Variants in GRAP2 observed in about 807,000 individuals in gnomAD.
GRAP2 encodes the protein GRB2-related adapter protein 2.
A neutral mutation model predicts 43.5 loss-of-function variants in GRAP2; 31 were observed. The observed-to-expected ratio is 0.71, with a 90% CI of 0.54 to 0.96. The LOEUF is 0.96. Ranked by LOEUF, GRAP2 falls within the 40% of genes least tolerant of loss-of-function variation. GRAP2 has a pLI of 0.00. For missense variants in GRAP2, 371 were observed against 424.4 expected (o/e 0.87, Z 1.11); for synonymous variants, 156 against 164.8 (o/e 0.95, Z 0.41).
At chr22:39,944,029 A>T (rs2066896563) in intron 1 of GRAP2, among the ~76,000 whole-genome samples, 1 of 152,150 alleles carries the variant, frequency 6.6e-6, no homozygotes, top group Non-Finnish European at 1.5e-5. Context: ...TTCAGAAGTC[A>T]GAAGCGCTGA....
At chr22:39,920,710 A>T (rs539663158) in intron 1 of GRAP2, among the ~76,000 whole-genome samples, 1 of 152,040 alleles carries the variant, frequency 6.6e-6, no homozygotes, top group Non-Finnish European at 1.5e-5. Context: ...TGACTCTCCA[A>T]CCCCCAGAGT....
At chr22:39,916,324 G>A (rs927261200) in intron 1 of GRAP2, among the ~76,000 whole-genome samples, 5 of 152,178 alleles carry the variant, frequency 3.3e-5, no homozygotes, top group East Asian at 1.9e-4. Context: ...AGAATTCCAC[G>A]GACCCAAAAC....
intron 2 of GRAP2, among the ~76,000 whole-genome samples, chr22:39,950,856 C>A (rs565770791): frequency 1.3e-5 from 2 of 152,238 alleles, no homozygotes; most frequent in African/African-American, 2.4e-5. Context: ...GTCTGCCCCC[C>A]ACCTTCCTCA....
intron 1 of GRAP2, among the ~76,000 whole-genome samples, chr22:39,914,315 C>T (rs2066587819): frequency 1.3e-5 from 2 of 152,170 alleles, no homozygotes; most frequent in South Asian, 2.1e-4. Context: ...AGGCTAAATT[C>T]CACCAAAACA....
At chr22:39,947,696 G>A (rs2066938636) in intron 2 of GRAP2, 1 of 157,092 alleles carries the variant, frequency 6.4e-6, no homozygotes, top group Non-Finnish European at 1.4e-5. Flanking sequence ...CAGAGGACAT[G>A]GCTCAACAAA....
intron 4 of GRAP2, among the ~76,000 whole-genome samples, chr22:39,962,696 C>T (rs186706096): frequency 1.1e-4 from 17 of 151,890 alleles, no homozygotes; most frequent in Middle Eastern, 3.4e-3. Context: ...CTCGCTCTGT[C>T]GCCCAGGCTG....
At chr22:39,956,895 C>T (rs958959173) in intron 3 of GRAP2, among the ~76,000 whole-genome samples, 2 of 152,142 alleles carry the variant, frequency 1.3e-5, no homozygotes, top group Non-Finnish European at 2.9e-5. Flanking sequence ...CTCTCCTAAG[C>T]GCTTCTCTGT....
At chr22:39,959,893 G>C (rs1257201540) in intron 3 of GRAP2, among the ~76,000 whole-genome samples, 162 bp from the exon 4 acceptor site, 1 of 152,192 alleles carries the variant, frequency 6.6e-6, no homozygotes, top group African/African-American at 2.4e-5. Flanking sequence ...CCTGAAAGCT[G>C]CCTGGAGCAC....
At chr22:39,961,546 G>A (rs976383470) in intron 4 of GRAP2, among the ~76,000 whole-genome samples, 2 of 152,186 alleles carry the variant, frequency 1.3e-5, no homozygotes, top group Non-Finnish European at 2.9e-5. Flanking sequence ...CTGTAACAGC[G>A]AAATCTCACT....
At chr22:39,969,625 C>G in intron 7 of GRAP2, 92 bp downstream of exon 7, 1 of 1,409,062 alleles carries the variant, frequency 7.1e-7, no homozygotes, top group Non-Finnish European at 9.8e-7. Flanking sequence ...TCAAACCACA[C>G]AGATCTGGCT....
intron 1 of GRAP2, among the ~76,000 whole-genome samples, chr22:39,933,768 G>C (rs2066779333): frequency 6.6e-6 from 1 of 151,802 alleles, no homozygotes; most frequent in African/African-American, 2.4e-5. Context: ...TTGAGCCTGG[G>C]AGGCGAATGT....
intron 4 of GRAP2, among the ~76,000 whole-genome samples, chr22:39,965,673 A>T (rs2067164637): frequency 6.6e-6 from 1 of 152,228 alleles, no homozygotes; most frequent in South Asian, 2.1e-4. Flanking sequence ...AAGGTCTTTG[A>T]TCTCTTTGTC....
At chr22:39,966,588 G>A (rs2145678924) in intron 5 of GRAP2, among the ~76,000 whole-genome samples, 1 of 152,292 alleles carries the variant, frequency 6.6e-6, no homozygotes, top group South Asian at 2.1e-4. Flanking sequence ...GCTACAGACA[G>A]GGACATTAGG....
Position 39,970,983 on chromosome 22 carries a change from G to A in GRAP2, c.892G>A (p.Val298Met), listed in dbSNP as rs749440958. 3 of 1,613,746 alleles carry A rather than the reference G, an allele frequency of 1.9e-6. No individual in the cohort carries two copies. Among genetic ancestry groups the A allele is most frequent in the Non-Finnish European group, 2.5e-6 (3 of 1,179,846 alleles). Residue 298 changes from valine (V) to methionine (M), a missense_variant, in exon 8 of 8, where the codon GTG (valine) becomes ATG (methionine). Physicochemically the swap from Val to Met is conservative, Grantham distance 21. Coordinates refer to ENST00000344138, the MANE Select transcript of GRAP2 (RefSeq NM_004810.4). ...DELGFHSGEVVEVLDSSNPSW... is the reference protein window; with the variant it reads ...DELGFHSGEVMEVLDSSNPSW... ...GCTGGGGTTCCACAGCGGGGAGGTG[G>A]TGGAGGTCCTGGATAGCTCCAACCC... is the stretch of plus-strand genomic sequence containing the variant.
chr22:39,907,714 C>T (rs1048280114), intron 1 of GRAP2, among the ~76,000 whole-genome samples: 5 of 152,210 alleles, frequency 3.3e-5, no homozygotes, highest in African/African-American at 1.2e-4. Flanking sequence ...TACACTCCAG[C>T]CTGGGCAACA....
chr22:39,973,382 G>C lies in GRAP2; in HGVS notation c.*2298G>C, dbSNP rs1409525484. 1.3e-5 allele frequency: 2 copies of C among 152,256 alleles called. No individual in the cohort carries two copies. The highest frequency in any genetic ancestry group is 4.8e-5 in the African/African-American group (2 of 41,460). 9.4% of individuals were successfully genotyped at this position (152,256 alleles called of 1,614,324 possible). ...GTCTGCGTTGCATACCCCTCAGGTA[G>C]AGAGTGAGAACGAGACCAGGGGGTG... On this transcript the variant is annotated 3_prime_UTR_variant, in exon 8 of 8. Coordinates refer to ENST00000344138, the MANE Select transcript of GRAP2 (RefSeq NM_004810.4).
chr22:39,952,532 C>T (rs2066997388), intron 2 of GRAP2, among the ~76,000 whole-genome samples: 1 of 152,260 alleles, frequency 6.6e-6, no homozygotes, highest in Non-Finnish European at 1.5e-5. Flanking sequence ...GCTGGGTTTC[C>T]TAGTTCTTTT....
chr22:39,959,728 C>T (rs1023932802), intron 3 of GRAP2, among the ~76,000 whole-genome samples: 5 of 152,150 alleles, frequency 3.3e-5, no homozygotes, highest in African/African-American at 7.2e-5. Flanking sequence ...CCGCAGCTGC[C>T]GGCAGGCGGC....
At chr22:39,898,965 A>G (rs1265410481), upstream of GRAP2, among the ~76,000 whole-genome samples, 1 of 152,252 alleles carries the variant, frequency 6.6e-6, no homozygotes, top group Non-Finnish European at 1.5e-5. Context: ...TTCACATGTT[A>G]CTGTATCCTC....
Sources: gnomAD v4.1 joint callset for allele counts (sites outside exome capture counted in the v4.1 genomes callset) on GRCh38, gnomAD v4.1.1 for gene constraint, MANE v1.5 for transcripts, NCBI Gene and HGNC (gene_info 2026-07-23, HGNC 2026-07-21) for gene names.